The following SNTG2 variants were observed in gnomAD, a reference collection of about 807,000 sequenced individuals.
SNTG2 encodes the protein syntrophin gamma 2.
Under a neutral mutation model 70.9 loss-of-function variants are expected in SNTG2, and 74 were observed. The observed-to-expected ratio is 1.04, with a 90% CI of 0.86 to 1.27. The LOEUF (loss-of-function observed/expected upper bound fraction) is 1.27, where lower values mean the gene tolerates loss of function less well. SNTG2 is among the 50% of genes most tolerant of loss of function. The pLI is 0.00. For missense variants in SNTG2, 717 were observed against 690.7 expected, an observed-to-expected ratio of 1.04 and a Z score of -0.43; for synonymous variants, 278 against 273.8, an observed-to-expected ratio of 1.02 and a Z score of -0.15.
intron 7 of SNTG2, among the ~76,000 whole-genome samples, chr2:1,167,935 C>T (rs1345662307): frequency 8.1e-6 from 1 of 123,558 alleles, no homozygotes; most frequent in Admixed American, 8.0e-5. Context: ...CGCCCACAGA[C>T]GGCAGAACTG....
chr2:1,047,326 A>G (rs76661647), intron 1 of SNTG2, among the ~76,000 whole-genome samples: 6 of 152,186 alleles, frequency 3.9e-5, no homozygotes, highest in Admixed American at 6.5e-5. Flanking sequence ...CTTGCCATCC[A>G]GATTCTGAAT....
chr2:1,177,495 A>T (rs1232613071), intron 8 of SNTG2, among the ~76,000 whole-genome samples: 4 of 71,712 alleles, frequency 5.6e-5, no homozygotes, highest in Non-Finnish European at 7.8e-5. Context: ...AATAAAAATT[A>T]AAAAAAAAAA....
Position 1,095,799 on chromosome 2 carries a change from T to C in SNTG2, c.211-2397T>C, listed in dbSNP as rs117609074. On this transcript the variant is annotated intron_variant, in intron 2 of 16. Coordinates refer to ENST00000308624, the MANE Select transcript of SNTG2 (RefSeq NM_018968.4). ...AACAGCTACAATTTTAAAATGTTATTGAGCATTTTCAGAAATTCCATACAG... is the reference window on the plus strand; with the variant it reads ...AACAGCTACAATTTTAAAATGTTATCGAGCATTTTCAGAAATTCCATACAG... Among the ~76,000 whole-genome samples, 6 of 152,322 alleles carry C rather than the reference T, an allele frequency of 3.9e-5. No individual in the cohort carries two copies. The East Asian group carries it at 1.2e-3, about 29-fold the overall frequency.
At chr2:1,036,394 A>G (rs1661131348) in intron 1 of SNTG2, among the ~76,000 whole-genome samples, 1 of 152,180 alleles carries the variant, frequency 6.6e-6, no homozygotes, top group Non-Finnish European at 1.5e-5. Flanking sequence ...TTCAACTATA[A>G]TCAGTCTTTG....
At chr2:1,159,032 ATG>A (rs1670087862) in intron 6 of SNTG2, among the ~76,000 whole-genome samples, 1 of 151,866 alleles carries the variant, frequency 6.6e-6, no homozygotes, top group Non-Finnish European at 1.5e-5. Context: ...ATATGTGTGC[ATG>A]TGTGTGCATG....
intron 15 of SNTG2, 41 bp from the exon 16 acceptor site, chr2:1,316,224 C>T (rs1293047757): frequency 1.0e-6 from 1 of 965,518 alleles, no homozygotes; most frequent in Non-Finnish European, 1.6e-6. Flanking sequence ...AATAAATGAG[C>T]TCTTGTTTAG....
intron 1 of SNTG2, among the ~76,000 whole-genome samples, chr2:978,269 A>G (rs1313041530): frequency 6.6e-6 from 1 of 152,226 alleles, no homozygotes; most frequent in Non-Finnish European, 1.5e-5. Flanking sequence ...ACACTTTATC[A>G]TAGCTCAGTA....
chr2:1,208,346 C>T (rs1197729703), intron 8 of SNTG2, among the ~76,000 whole-genome samples: 1 of 124,664 alleles, frequency 8.0e-6, no homozygotes, highest in Middle Eastern at 3.5e-3. Context: ...ACCTGTGAGG[C>T]GCGTTCTTGC....
intron 1 of SNTG2, among the ~76,000 whole-genome samples, chr2:1,000,005 A>T (rs1661814527): frequency 6.6e-6 from 1 of 151,986 alleles, no homozygotes; most frequent in Non-Finnish European, 1.5e-5. Context: ...AATATATGGA[A>T]ATAAAACAAC....
At chr2:1,086,304 C>T (rs537749841) in intron 2 of SNTG2, among the ~76,000 whole-genome samples, 29 of 152,300 alleles carry the variant, frequency 1.9e-4, no homozygotes, top group East Asian at 1.7e-3. Flanking sequence ...GACACGGGCT[C>T]GCTCTCTCGC....
rs149923764 is a variant in SNTG2, at chr2:1,038,619, A to G, written c.73-44899A>G. Reference sequence around the variant, plus strand: ...ATGGATAAGATAAATCTTAGCTATTATTCGAGAGGATTTATCTTCTAAAGA... The same window carrying G: ...ATGGATAAGATAAATCTTAGCTATTGTTCGAGAGGATTTATCTTCTAAAGA... On this transcript the variant is annotated intron_variant, in intron 1 of 16. Transcript: ENST00000308624. Among the ~76,000 whole-genome samples the G allele has an allele frequency of 4.3e-3, 656 of 152,362 alleles. 3 individuals carry two copies. Among genetic ancestry groups the G allele is most frequent in the Non-Finnish European group, 6.4e-3 (436 of 68,028 alleles).
At chr2:1,366,713 G>A (rs1344483052) in intron 16 of SNTG2, among the ~76,000 whole-genome samples, 4 of 151,900 alleles carry the variant, frequency 2.6e-5, no homozygotes, top group Non-Finnish European at 4.4e-5. Flanking sequence ...CACAGCAGGC[G>A]CTGTTCCTCC....
rs368704673 is a variant in SNTG2 at position 1,137,714 on chromosome 2, A to G, written c.369+49A>G. On this transcript the variant is annotated intron_variant, in intron 5 of 16. Transcript: ENST00000308624. The stretch of plus-strand genomic sequence containing the variant: ...TTAACTTGATTGCATTTTTATTTTT[A>G]ACTTGTATTAATCAATCGTTATTCT... The G allele has an allele frequency of 1.2e-5, 20 of 1,613,164 alleles. No homozygotes were observed. The African/African-American group carries it at 2.5e-4, about 20-fold the overall frequency.
intron 8 of SNTG2, among the ~76,000 whole-genome samples, chr2:1,199,886 A>G (rs576141433): frequency 3.9e-5 from 6 of 152,088 alleles, no homozygotes; most frequent in African/African-American, 9.6e-5. Context: ...TAATGGAAAG[A>G]CATCTCATAC....
chr2:986,786 G>A (rs1661338372), intron 1 of SNTG2, among the ~76,000 whole-genome samples: 1 of 152,178 alleles, frequency 6.6e-6, no homozygotes, highest in Admixed American at 6.5e-5. Context: ...AGATTGTGTT[G>A]TTTAAAGAAA....
chr2:1,146,822 T>G (rs985913511), intron 6 of SNTG2, among the ~76,000 whole-genome samples: 2 of 152,170 alleles, frequency 1.3e-5, no homozygotes, highest in African/African-American at 4.8e-5. Flanking sequence ...GACATCTACA[T>G]GTACAAAAAT....
At chr2:1,134,452 GAC>G (rs1486601999) in intron 4 of SNTG2, among the ~76,000 whole-genome samples, 1 of 134,612 alleles carries the variant, frequency 7.4e-6, no homozygotes, top group Non-Finnish European at 1.7e-5. Flanking sequence ...ACAGAGTGTC[GAC>G]ACAAAGGTTC....
At chr2:1,225,313 G>A (rs560867979) in intron 9 of SNTG2, among the ~76,000 whole-genome samples, 29 of 152,258 alleles carry the variant, frequency 1.9e-4, no homozygotes, top group South Asian at 4.1e-4. Context: ...TTTTATCCTC[G>A]TTTTAAATGC....
intron 1 of SNTG2, among the ~76,000 whole-genome samples, chr2:1,015,287 A>G (rs1659854325): frequency 6.6e-6 from 1 of 152,198 alleles, no homozygotes; most frequent in Non-Finnish European, 1.5e-5. Flanking sequence ...AAGGCTTGAT[A>G]GAAGGGATTT....
Sources: allele counts gnomAD v4.1 joint callset (sites outside exome capture counted in the v4.1 genomes callset), GRCh38; gene constraint gnomAD v4.1.1; transcripts MANE v1.5; gene names NCBI Gene and HGNC (gene_info 2026-07-23, HGNC 2026-07-21).